GYPB: variants seen among roughly 807,000 people sequenced by gnomAD.
GYPB encodes glycophorin-B.
GYPB carries 13 observed loss-of-function variants against 15.3 expected under a neutral mutation model. The ratio of observed to expected loss-of-function variants is 0.85; its 90% confidence interval spans 0.55 to 1.35. The LOEUF (loss-of-function observed/expected upper bound fraction) is 1.35. Ranked by LOEUF, GYPB falls within the 40% of genes most tolerant of loss-of-function variation. The probability of loss-of-function intolerance (pLI) is 0.00; values close to 1 mark genes in which losing one functional copy is unlikely to be tolerated. For synonymous variants in GYPB, 38 were observed against 36.9 expected (o/e 1.03, Z -0.11); for missense variants, 131 against 108.3 (o/e 1.21, Z -0.93).
rs184668613 is a variant in GYPB, at chr4:143,997,470, T to G, written c.270+70A>C. On this transcript the variant is annotated intron_variant, in intron 4 of 4. Transcript: ENST00000502664. Reference sequence around the variant, plus strand: ...GTTTCTCTTCTGAGTTTAACTGAACTCAGAGGAATAAACCCTCCTAGAGCT... The same window carrying G: ...GTTTCTCTTCTGAGTTTAACTGAACGCAGAGGAATAAACCCTCCTAGAGCT... The G allele has an allele frequency of 8.4e-4, 710 of 846,326 alleles. 1 individual carries two copies. The highest frequency in any genetic ancestry group is 1.3e-3 in the Non-Finnish European group (615 of 488,982). 52.4% of individuals were successfully genotyped at this position (846,326 alleles called of 1,614,324 possible).
At chr4:144,019,131 A>G (rs1197328300) in intron 1 of GYPB, 120 bp downstream of exon 1, 1 of 1,482,018 alleles carries the variant, frequency 6.7e-7, no homozygotes, top group African/African-American at 1.5e-5. Flanking sequence ...CCAGACTGGA[A>G]GAGGAAATAC....
intron 1 of GYPB, among the ~76,000 whole-genome samples, chr4:144,013,890 A>G (rs1156893980): frequency 2.0e-5 from 3 of 151,014 alleles, no homozygotes; most frequent in African/African-American, 7.4e-5. Context: ...CACATTGTGC[A>G]CATGTACCCT....
chr4:143,997,115 C>G (rs1035153175), intron 4 of GYPB, among the ~76,000 whole-genome samples: 2 of 151,018 alleles, frequency 1.3e-5, no homozygotes, highest in African/African-American at 4.9e-5. Context: ...CCTTTTTGCT[C>G]AGGCTGGTCT....
chr4:144,006,853 G>A (rs1290533503), intron 1 of GYPB, among the ~76,000 whole-genome samples: 2 of 151,596 alleles, frequency 1.3e-5, no homozygotes, highest in Non-Finnish European at 2.9e-5. Flanking sequence ...GTAAAACTGG[G>A]ACAAAAACTC....
chr4:144,004,723 C>T (rs1222732751), intron 1 of GYPB, among the ~76,000 whole-genome samples: 2 of 151,690 alleles, frequency 1.3e-5, no homozygotes, highest in Non-Finnish European at 2.9e-5. Flanking sequence ...TTAAAATCAC[C>T]AAGAATGTTC....
chr4:144,007,871 C>G (rs1728003243), intron 1 of GYPB, among the ~76,000 whole-genome samples: 1 of 151,392 alleles, frequency 6.6e-6, no homozygotes, highest in Non-Finnish European at 1.5e-5. Flanking sequence ...CTCCTAGGCT[C>G]AAGCAATTCT....
intron 1 of GYPB, among the ~76,000 whole-genome samples, chr4:144,011,408 C>T (rs1166880980): frequency 2.2e-4 from 33 of 151,006 alleles, no homozygotes; most frequent in Non-Finnish European, 4.1e-4. Context: ...ACATATAAAA[C>T]CAAACAGGAA....
chr4:143,997,703 A>T, intron 3 of GYPB, 69 bp from the exon 4 acceptor site: 1 of 815,306 alleles, frequency 1.2e-6, no homozygotes, highest in Admixed American at 1.7e-5. Flanking sequence ...AATAAGACAG[A>T]TAACATCAGC....
intron 1 of GYPB, among the ~76,000 whole-genome samples, chr4:144,016,263 T>C (rs1728494538): frequency 1.3e-5 from 2 of 150,446 alleles, no homozygotes; most frequent in South Asian, 4.2e-4. Context: ...ATGATCTGTC[T>C]ATGCGGAGCA....
intron 1 of GYPB, among the ~76,000 whole-genome samples, chr4:144,017,143 G>T (rs970681783): frequency 6.6e-6 from 1 of 150,722 alleles, no homozygotes. Flanking sequence ...TGGGCTCAGT[G>T]TCTGGTTCAC....
At chr4:143,996,450 C>T (rs1055788332) in intron 4 of GYPB, 146 bp from the exon 5 acceptor site, 11 of 1,443,548 alleles carry the variant, frequency 7.6e-6, no homozygotes, top group Admixed American at 6.4e-5. Flanking sequence ...GGGGTGTTGC[C>T]AAGTTCTTTT....
At chr4:143,996,977 G>A (rs1479554148) in intron 4 of GYPB, among the ~76,000 whole-genome samples, 1 of 150,792 alleles carries the variant, frequency 6.6e-6, no homozygotes, top group Non-Finnish European at 1.5e-5. Context: ...CATGATCACA[G>A]CTCACTGCAG....
At chr4:144,010,514 C>T (rs1477566841) in intron 1 of GYPB, among the ~76,000 whole-genome samples, 1 of 151,300 alleles carries the variant, frequency 6.6e-6, no homozygotes, top group Admixed American at 6.6e-5. Context: ...TATCAAAGTA[C>T]ATCACACAGA....
intron 1 of GYPB, chr4:144,002,552 C>G (rs1385000168): frequency 7.9e-7 from 1 of 1,266,440 alleles, no homozygotes; most frequent in African/African-American, 1.6e-5. Context: ...CATCAGTACC[C>G]TGAACTCTGT....
chr4:144,017,764 A>G (rs1301279505), intron 1 of GYPB, among the ~76,000 whole-genome samples: 3 of 151,416 alleles, frequency 2.0e-5, no homozygotes, highest in Non-Finnish European at 4.4e-5. Flanking sequence ...GGTTTGCCCC[A>G]TGGAGCAACA....
intron 1 of GYPB, among the ~76,000 whole-genome samples, chr4:144,011,758 A>G (rs1728232834): frequency 6.6e-6 from 1 of 151,398 alleles, no homozygotes; most frequent in African/African-American, 2.5e-5. Flanking sequence ...TTTATTAGGC[A>G]TTCCCACATT....
rs138556954 is a variant in GYPB at position 144,007,954 on chromosome 4, T to A, written c.38-6671A>T. On this transcript the variant is annotated intron_variant, in intron 1 of 4. Coordinates refer to ENST00000502664, the MANE Select transcript of GYPB (RefSeq NM_002100.6). ...TGCCTGGCTTAGAATGGATGTCTTCTAAGATGCTTCACCATTCATGAATCA... is the reference window on the plus strand; with the variant it reads ...TGCCTGGCTTAGAATGGATGTCTTCAAAGATGCTTCACCATTCATGAATCA... Among the ~76,000 whole-genome samples the A allele has an allele frequency of 1.3e-5, 2 of 151,492 alleles. 1 individual carries two copies. Among genetic ancestry groups the A allele is most frequent in the African/African-American group, 4.9e-5 (2 of 40,766 alleles).
At chr4:144,015,694 A>G (rs1372830866) in intron 1 of GYPB, among the ~76,000 whole-genome samples, 1 of 151,388 alleles carries the variant, frequency 6.6e-6, no homozygotes, top group Admixed American at 6.6e-5. Context: ...CTTTTCTGCA[A>G]AGGAGTTCAC....
intron 1 of GYPB, 36 bp downstream of exon 1, chr4:144,019,215 A>G: frequency 6.2e-7 from 1 of 1,609,994 alleles, no homozygotes; most frequent in Non-Finnish European, 8.5e-7. Context: ...TCTCATACCC[A>G]ATATAACAGA....
Sources: allele counts gnomAD v4.1 joint callset (sites outside exome capture counted in the v4.1 genomes callset), GRCh38; gene constraint gnomAD v4.1.1; transcripts MANE v1.5; gene names NCBI Gene and HGNC (gene_info 2026-07-23, HGNC 2026-07-21).